OCA2: variants seen among roughly 807,000 people sequenced by gnomAD.
OCA2 encodes the protein OCA2 melanosomal transmembrane protein.
Under a neutral mutation model 100.2 loss-of-function variants are expected in OCA2, and 77 were observed. The ratio of observed to expected loss-of-function variants is 0.77; its 90% CI spans 0.64 to 0.93. The LOEUF (loss-of-function observed/expected upper bound fraction) is 0.93, where lower values mean the gene tolerates loss of function less well. OCA2 is among the 40% of genes least tolerant of loss of function. The pLI, the probability that OCA2 is intolerant of heterozygous loss-of-function variation, is 0.00. For synonymous variants in OCA2, 432 were observed against 439.2 expected, an observed-to-expected ratio of 0.98 and a Z score of 0.21; for missense variants, 1,062 against 1,089.1, an observed-to-expected ratio of 0.98 and a Z score of 0.35.
Position 28,091,930 on chromosome 15 carries a change from T to A in OCA2, c.-22+7294A>T, listed in dbSNP as rs542677327. ...GAGATCGTGCCACTGCATTCCAGTCTGGGTGACAGAGCAAGACTCCATCTC... is the reference window on the plus strand; with the variant it reads ...GAGATCGTGCCACTGCATTCCAGTCAGGGTGACAGAGCAAGACTCCATCTC... On this transcript the variant is annotated intron_variant, in intron 1 of 23. Transcript: ENST00000354638. 4.6e-4 allele frequency among the ~76,000 whole-genome samples: 70 copies of A among 152,318 alleles called. 3 individuals are homozygous for A. The South Asian group carries it at 0.014, about 31-fold the overall frequency.
intron 18 of OCA2, among the ~76,000 whole-genome samples, chr15:27,932,937 A>G (rs2039307960): frequency 6.6e-6 from 1 of 151,968 alleles, no homozygotes; most frequent in Non-Finnish European, 1.5e-5. Flanking sequence ...TATAATATTC[A>G]AATGTTCAGT....
chr15:28,064,081 GACAGTATGTTTCTTTTA>G (rs1283335426), intron 2 of OCA2, among the ~76,000 whole-genome samples: 1 of 152,076 alleles, frequency 6.6e-6, no homozygotes, highest in African/African-American at 2.4e-5. Context: ...ATTTTTAGTT[GACAGTATGTTTCTTTTA>G]ACATTTTATA....
chr15:28,015,968 C>A, intron 8 of OCA2, 136 bp downstream of exon 8: 1 of 737,550 alleles, frequency 1.4e-6, no homozygotes, highest in South Asian at 1.4e-5. Flanking sequence ...ACTGTCTACA[C>A]AGCATGAGTG....
At chr15:27,921,224 A>G (rs915503637) in intron 19 of OCA2, among the ~76,000 whole-genome samples, 2 of 152,096 alleles carry the variant, frequency 1.3e-5, no homozygotes. Flanking sequence ...AAATGACTCA[A>G]TGCGCATATA....
intron 19 of OCA2, among the ~76,000 whole-genome samples, chr15:27,874,440 C>T (rs1004626411): frequency 1.3e-5 from 2 of 152,184 alleles, no homozygotes; most frequent in Admixed American, 1.3e-4. Context: ...GCAGACACAG[C>T]AGTTTCTGGA....
chr15:27,889,747 G>A lies in OCA2; in HGVS notation c.2080-17825C>T, dbSNP rs113543405. Among the ~76,000 whole-genome samples, 492 of 152,316 alleles carry A rather than the reference G, an allele frequency of 3.2e-3. 6 individuals are homozygous for A. The highest frequency in any genetic ancestry group is 0.011 in the African/African-American group (471 of 41,572). On this transcript the variant is annotated intron_variant, in intron 19 of 23. Transcript: ENST00000354638. The stretch of plus-strand genomic sequence containing the variant: ...CTGTCTGGGGAGGATGTGCCATCCA[G>A]GAGGGATGCCATTTTGATGTACCTG...
At chr15:28,022,287 G>A (rs976048956) in intron 6 of OCA2, among the ~76,000 whole-genome samples, 4 of 152,108 alleles carry the variant, frequency 2.6e-5, no homozygotes, top group Admixed American at 6.5e-5. Flanking sequence ...CTCACTCGGA[G>A]AGCTCCACCA....
chr15:27,734,448 TG>T, the OCA2 span, among the ~76,000 whole-genome samples: 1 of 152,062 alleles, frequency 6.6e-6, no homozygotes, highest in African/African-American at 2.4e-5. Context: ...AATGTCTTCT[TG>T]GGGGAATGAG....
chr15:28,007,194 T>C (rs186493367), intron 9 of OCA2, among the ~76,000 whole-genome samples: 8 of 152,174 alleles, frequency 5.3e-5, no homozygotes, highest in Admixed American at 5.2e-4. Flanking sequence ...ATACCAGGGG[T>C]TGGATGGAAG....
At chr15:27,797,114 C>T (rs1436523502) in intron 23 of OCA2, among the ~76,000 whole-genome samples, 2 of 152,186 alleles carry the variant, frequency 1.3e-5, no homozygotes, top group Non-Finnish European at 2.9e-5. Flanking sequence ...CCTGGTGAAG[C>T]GTGGCACCCC....
chr15:27,950,915 A>G (rs571894223), intron 18 of OCA2, among the ~76,000 whole-genome samples: 34 of 152,230 alleles, frequency 2.2e-4, no homozygotes, highest in Non-Finnish European at 4.7e-4. Context: ...TATTTTAACC[A>G]TCTTAGCAGA....
chr15:27,947,843 C>T (rs1219189622), intron 18 of OCA2, among the ~76,000 whole-genome samples: 6 of 152,174 alleles, frequency 3.9e-5, no homozygotes, highest in Admixed American at 3.3e-4. Context: ...CGCTCACTCT[C>T]CTCACTGCCC....
At chr15:27,771,772 A>G (rs556717616) in intron 23 of OCA2, among the ~76,000 whole-genome samples, 12 of 152,140 alleles carry the variant, frequency 7.9e-5, no homozygotes, top group Middle Eastern at 3.4e-3. Flanking sequence ...TAAATACTTA[A>G]TTTTGTTAAT....
At chr15:27,924,491 G>A (rs2038976871) in intron 19 of OCA2, among the ~76,000 whole-genome samples, 2 of 151,636 alleles carry the variant, frequency 1.3e-5, no homozygotes, top group Admixed American at 6.6e-5. Flanking sequence ...GGCATATAAC[G>A]TAGAAGTACA....
the OCA2 span, among the ~76,000 whole-genome samples, chr15:27,738,775 G>A: frequency 2.0e-5 from 3 of 151,740 alleles, no homozygotes; most frequent in Admixed American, 6.6e-5. Flanking sequence ...CTAAAAATCC[G>A]TATTTCCAGA....
At chr15:27,952,743 G>A (rs1261587000) in intron 17 of OCA2, among the ~76,000 whole-genome samples, 1 of 151,940 alleles carries the variant, frequency 6.6e-6, no homozygotes, top group Non-Finnish European at 1.5e-5. Context: ...CAGTGGCACA[G>A]TCTCAGCTCA....
At chr15:27,870,937 T>C (rs1340062829) in intron 21 of OCA2, among the ~76,000 whole-genome samples, 1 of 152,002 alleles carries the variant, frequency 6.6e-6, no homozygotes, top group Non-Finnish European at 1.5e-5. Flanking sequence ...CAGGACGTGC[T>C]GTCCACGGCA....
intron 23 of OCA2, among the ~76,000 whole-genome samples, chr15:27,769,099 TCTC>T (rs532696497): frequency 1.3e-5 from 2 of 152,076 alleles, no homozygotes; most frequent in Admixed American, 6.6e-5. Context: ...ACCCTAAGCC[TCTC>T]CTCAAGGCAA....
intron 23 of OCA2, among the ~76,000 whole-genome samples, chr15:27,786,838 T>A (rs922779993): frequency 6.6e-6 from 1 of 152,170 alleles, no homozygotes; most frequent in Non-Finnish European, 1.5e-5. Flanking sequence ...ATGAGCACAA[T>A]CTTGAATCAA....
Sources: gnomAD v4.1 joint callset for allele counts (sites outside exome capture counted in the v4.1 genomes callset) on GRCh38, gnomAD v4.1.1 for gene constraint, MANE v1.5 for transcripts, NCBI Gene and HGNC (gene_info 2026-07-23, HGNC 2026-07-21) for gene names.